Variants in MYH14 observed in about 807,000 individuals in gnomAD.
MYH14 encodes myosin heavy chain 14, also known as myosin-14.
In MYH14, 123 loss-of-function variants were observed where a neutral mutation model predicts 255.5. That is an observed-to-expected ratio of 0.48 (90% confidence interval 0.42 to 0.56). The LOEUF (loss-of-function observed/expected upper bound fraction) is 0.56. Among genes scored for constraint, MYH14 ranks in the 20% least tolerant of loss-of-function variants. The pLI is 0.00. For synonymous variants in MYH14, 1,095 were observed against 1,161.2 expected, an observed-to-expected ratio of 0.94 and a Z score of 1.16; for missense variants, 2,423 against 2,802.3, an observed-to-expected ratio of 0.86 and a Z score of 3.06.
Position 50,255,319 on chromosome 19 carries a change from G to A in MYH14, c.2044+1G>A, listed in dbSNP as rs992783363. The stretch of plus-strand genomic sequence containing the variant: ...AGCTCTGCTATTTCTCCGCCAGGGG[G>A]TGGGTGTCTCTGTGCATCGATGGGT... On this transcript the variant is annotated splice_donor_variant, in intron 17 of 42. Transcript: ENST00000642316. LOFTEE classifies it high-confidence loss of function. The A allele has an allele frequency of 7.1e-6, 11 of 1,550,302 alleles. No individual in the cohort carries two copies. Among genetic ancestry groups the A allele is most frequent in the Non-Finnish European group, 8.7e-6 (10 of 1,146,388 alleles).
chr19:50,242,057 G>T (rs2033913013), intron 10 of MYH14, among the ~76,000 whole-genome samples: 1 of 152,158 alleles, frequency 6.6e-6, no homozygotes, highest in Non-Finnish European at 1.5e-5. Context: ...TGACTTCATG[G>T]ACGCAAATGT....
At chr19:50,308,314 T>C (rs1460891682) in intron 41 of MYH14, 6 of 152,262 alleles carry the variant, frequency 3.9e-5, no homozygotes, top group Non-Finnish European at 7.3e-5. Context: ...AGCTTCTTGG[T>C]AGAGTTTAAC....
At chr19:50,287,895 T>TACAC (rs141417074) in intron 34 of MYH14, among the ~76,000 whole-genome samples, 3 of 149,212 alleles carry the variant, frequency 2.0e-5, no homozygotes, top group African/African-American at 4.9e-5. Flanking sequence ...ATAACACACA[T>TACAC]ACACACACAC....
chr19:50,295,075 C>G (rs1395291874), intron 39 of MYH14, among the ~76,000 whole-genome samples: 1 of 151,028 alleles, frequency 6.6e-6, no homozygotes, highest in African/African-American at 2.4e-5. Flanking sequence ...CCTGTAATCC[C>G]AGAACTTTGG....
At chr19:50,295,012 T>G (rs997757889) in intron 39 of MYH14, among the ~76,000 whole-genome samples, 6 of 22,078 alleles carry the variant, frequency 2.7e-4, no homozygotes, top group Non-Finnish European at 1.1e-3. Flanking sequence ...TAAGTTTTTT[T>G]TTTTTTTTTT....
In MYH14 at chr19:50,271,489, GA is replaced by G; in HGVS notation, c.3116del (p.Lys1039ArgfsTer17). The G allele has an allele frequency of 6.2e-7, 1 of 1,607,002 alleles. No individual in the cohort carries two copies. On this transcript the variant is annotated frameshift_variant, in exon 25 of 43. Coordinates refer to ENST00000642316, the MANE Select transcript of MYH14 (RefSeq NM_001145809.2). ...AGAAGGTGACGACAGAGGCAAAAAT[GA>G]AGAAATTTGAAGAGGACCTGCTGCT... is the stretch of plus-strand genomic sequence containing the variant. ...LEKVTTEAKMKKFEEDLLLLE... is the reference protein window; with the variant it reads ...LEKVTTEAKMXKFEEDLLLLE...
At chr19:50,246,102 CCCTT>C (rs1353195653) in intron 11 of MYH14, among the ~76,000 whole-genome samples, 1 of 77,998 alleles carries the variant, frequency 1.3e-5, no homozygotes, top group Non-Finnish European at 2.8e-5. Flanking sequence ...CTCCCTCCCT[CCCTT>C]CCTTTCTTCC....
Position 50,230,481 on chromosome 19 carries a change from G to A in MYH14, c.875-44G>A, listed in dbSNP as rs746450181. On this transcript the variant is annotated intron_variant, in intron 8 of 42. Coordinates refer to ENST00000642316, the MANE Select transcript of MYH14 (RefSeq NM_001145809.2). This position sits in a 1 kb window ranked among gnomAD's most constrained non-coding sequence, Gnocchi z 4.7. The stretch of plus-strand genomic sequence containing the variant: ...GCTCCTGTAGTGGCCTGGCAGCGTC[G>A]GGGCCGTCCCTTCCCCTCTAGCACC... The A allele has an allele frequency of 4.7e-5, 72 of 1,524,364 alleles. No homozygotes were observed. The highest frequency in any genetic ancestry group is 2.1e-4 in the Middle Eastern group (1 of 4,752). The allele number at this position is 1,524,364 out of a possible 1,614,324, so 94.4% of individuals were successfully genotyped here.
intron 18 of MYH14, among the ~76,000 whole-genome samples, chr19:50,258,226 A>G (rs431968): frequency 0.56 from 85,443 of 151,570 alleles, 24,569 homozygotes; most frequent in East Asian, 0.69. Flanking sequence ...CACCACGCCC[A>G]GCCTGAGATC....
chr19:50,309,515 CCT>C (rs1002566429), intron 42 of MYH14, 123 bp from the exon 43 acceptor site: 46 of 706,884 alleles, frequency 6.5e-5, no homozygotes. Flanking sequence ...CTCTCTTCCC[CCT>C]TATTTTGTTC....
At chr19:50,236,829 A>AT (rs1568485623) in intron 10 of MYH14, among the ~76,000 whole-genome samples, 1 of 152,188 alleles carries the variant, frequency 6.6e-6, no homozygotes, top group African/African-American at 2.4e-5. Flanking sequence ...CCATTCACCT[A>AT]TTTAAACTGT....
At chr19:50,301,910 C>T (rs1012935937) in intron 40 of MYH14, 41 bp downstream of exon 40, 4 of 1,512,506 alleles carry the variant, frequency 2.6e-6, no homozygotes, top group African/African-American at 2.7e-5. Context: ...GTGACCTCCA[C>T]ATTCTGGTTG....
chr19:50,248,695 G>A (rs144185346), intron 12 of MYH14, among the ~76,000 whole-genome samples: 218 of 152,336 alleles, frequency 1.4e-3, no homozygotes, highest in African/African-American at 4.7e-3. Context: ...CAAGTTGTCC[G>A]GCTCCAGAGT....
chr19:50,281,043 A>G (rs2035701231), intron 32 of MYH14, among the ~76,000 whole-genome samples: 1 of 152,132 alleles, frequency 6.6e-6, no homozygotes, highest in Non-Finnish European at 1.5e-5. Flanking sequence ...CCTTCAAACT[A>G]GAATCCCATC....
Position 50,276,094 on chromosome 19 carries a change from G to T in MYH14, c.3571G>T (p.Ala1191Ser), listed in dbSNP as rs776570317. 5.6e-6 allele frequency: 9 copies of T among 1,609,624 alleles called. No homozygotes were observed. The highest frequency in any genetic ancestry group is 7.6e-6 in the Non-Finnish European group (9 of 1,178,530). Residue 1191 changes from alanine (A) to serine (S), a missense_variant, in exon 28 of 43, where the codon GCC (alanine) becomes TCC (serine). By Grantham distance (99) the Ala-to-Ser change is moderately conservative (BLOSUM62 1). Coordinates refer to ENST00000642316, the MANE Select transcript of MYH14 (RefSeq NM_001145809.2). This position sits in a 1 kb window ranked among gnomAD's most constrained non-coding sequence, Gnocchi z 4.3. ...GGAGGACCTGGAGTCTGAGCGTGTGGCCAGGACCAAGGCGGAGAAGCAGCG... is the reference window on the plus strand; with the variant it reads ...GGAGGACCTGGAGTCTGAGCGTGTGTCCAGGACCAAGGCGGAGAAGCAGCG... ...AQEDLESERV[A>S]RTKAEKQRRD... is the part of the protein sequence containing the mutation.
chr19:50,222,160 T>C (rs1568471441), intron 3 of MYH14, among the ~76,000 whole-genome samples: 1 of 152,094 alleles, frequency 6.6e-6, no homozygotes, highest in Non-Finnish European at 1.5e-5. Flanking sequence ...CTGGCGGGAA[T>C]GGAGGACATA....
intron 15 of MYH14, among the ~76,000 whole-genome samples, chr19:50,251,531 C>CT (rs2034390536): frequency 0.027 from 806 of 30,242 alleles, 8 homozygotes; most frequent in African/African-American, 0.08. Flanking sequence ...TACACACACA[C>CT]ACACACACAC....
intron 10 of MYH14, among the ~76,000 whole-genome samples, chr19:50,239,970 C>T (rs1391358080): frequency 6.6e-6 from 1 of 152,188 alleles, no homozygotes; most frequent in Non-Finnish European, 1.5e-5. Flanking sequence ...GTATATCCAG[C>T]ACCCAGGAGC....
At chr19:50,217,063 CT>C (rs1268032327) in intron 2 of MYH14, among the ~76,000 whole-genome samples, 2 of 152,084 alleles carry the variant, frequency 1.3e-5, no homozygotes, top group African/African-American at 4.8e-5. Context: ...CCCGTCTCGG[CT>C]TCCCAAAGTG....
Sources: gnomAD v4.1 joint callset for allele counts (sites outside exome capture counted in the v4.1 genomes callset) on GRCh38, gnomAD v4.1.1 for gene constraint, Gnocchi (gnomAD v3.1) non-coding constraint, MANE v1.5 for transcripts, NCBI Gene and HGNC (gene_info 2026-07-23, HGNC 2026-07-21) for gene names.